WWOX: variants seen among roughly 807,000 people sequenced by gnomAD.
WWOX encodes the protein WW domain containing oxidoreductase.
WWOX carries 69 observed loss-of-function variants against 46.2 expected under a neutral mutation model. The observed-to-expected ratio is 1.49, with a 90% CI of 1.23 to 1.82. WWOX has a LOEUF of 1.82. WWOX is among the 40% of genes most tolerant of loss of function. The pLI, the probability that WWOX is intolerant of heterozygous loss-of-function variation, is 0.00. For missense variants in WWOX, 919 were observed against 542.6 expected (o/e 1.69, Z -6.89); for synonymous variants, 359 against 202.6 (o/e 1.77, Z -6.56).
intron 8 of WWOX, among the ~76,000 whole-genome samples, chr16:78,776,619 C>A (rs962459639): frequency 2.0e-5 from 3 of 152,036 alleles, no homozygotes; most frequent in African/African-American, 7.2e-5. Context: ...CTTTATTAGT[C>A]TGGTCTCACA....
intron 8 of WWOX, among the ~76,000 whole-genome samples, chr16:79,209,796 C>A (rs145561597): frequency 2.1e-3 from 314 of 152,216 alleles, no homozygotes; most frequent in African/African-American, 7.4e-3. Flanking sequence ...TGCAGAAGAG[C>A]CAGATAAACC....
At chr16:78,602,163 A>G (rs1283816739) in intron 8 of WWOX, among the ~76,000 whole-genome samples, 1 of 152,156 alleles carries the variant, frequency 6.6e-6, no homozygotes, top group African/African-American at 2.4e-5. Flanking sequence ...AGCATAGAGG[A>G]CTGTGAGAGT....
At chr16:79,060,672 G>T (rs1046623789) in intron 8 of WWOX, among the ~76,000 whole-genome samples, 3 of 152,216 alleles carry the variant, frequency 2.0e-5, no homozygotes, top group Non-Finnish European at 4.4e-5. Flanking sequence ...ACCCAATTAC[G>T]AGCGGAGCTA....
chr16:78,858,078 T>C (rs984607707), intron 8 of WWOX, among the ~76,000 whole-genome samples: 2 of 151,862 alleles, frequency 1.3e-5, no homozygotes, highest in African/African-American at 2.4e-5. Context: ...TTTTAAATAC[T>C]CTATAGCAAA....
At chr16:78,476,618 TTA>T (rs1352145101) in intron 8 of WWOX, among the ~76,000 whole-genome samples, 1 of 1,282 alleles carries the variant, frequency 7.8e-4, no homozygotes, top group East Asian at 2.0e-3. Context: ...AAAATACATA[TTA>T]AAAAAAAAAA....
chr16:78,442,359 C>G (rs1211279390), intron 8 of WWOX, among the ~76,000 whole-genome samples: 1 of 152,038 alleles, frequency 6.6e-6, no homozygotes, highest in Admixed American at 6.5e-5. Flanking sequence ...ATTCACCATG[C>G]TGTACAATAG....
chr16:78,538,248 C>G (rs1574279), intron 8 of WWOX, among the ~76,000 whole-genome samples: 140 of 126,104 alleles, frequency 1.1e-3, no homozygotes, highest in East Asian at 1.8e-3. Flanking sequence ...AAAAAAAAAG[C>G]GGGGCAAGGG....
intron 8 of WWOX, among the ~76,000 whole-genome samples, chr16:78,979,672 C>T (rs147882394): frequency 6.6e-6 from 1 of 152,128 alleles, no homozygotes; most frequent in Non-Finnish European, 1.5e-5. Flanking sequence ...GATCAGTACC[C>T]ATCTCTCAGA....
chr16:78,638,841 A>G (rs1188895661), intron 8 of WWOX, among the ~76,000 whole-genome samples: 2 of 152,312 alleles, frequency 1.3e-5, no homozygotes, highest in East Asian at 3.9e-4. Context: ...GCTCCTGTGA[A>G]GATTCAGGAA....
chr16:78,223,345 C>A (rs1022493747), intron 5 of WWOX, among the ~76,000 whole-genome samples: 3 of 152,084 alleles, frequency 2.0e-5, no homozygotes, highest in Non-Finnish European at 4.4e-5. Context: ...TGTCTGGCCC[C>A]AAAAGTCAAT....
intron 8 of WWOX, chr16:79,105,924 T>G (rs1315068442): frequency 6.6e-6 from 1 of 152,196 alleles, no homozygotes; most frequent in Non-Finnish European, 1.5e-5. Flanking sequence ...CTGCCCTTCT[T>G]GGCCTCCCGA....
At chr16:79,035,808 C>T (rs762783365) in intron 8 of WWOX, among the ~76,000 whole-genome samples, 9 of 152,184 alleles carry the variant, frequency 5.9e-5, no homozygotes, top group East Asian at 1.9e-4. Flanking sequence ...CCCCATTAGA[C>T]GGTGGCCAAG....
At chr16:79,137,537 C>G (rs141524657) in intron 8 of WWOX, among the ~76,000 whole-genome samples, 124 of 152,208 alleles carry the variant, frequency 8.1e-4, no homozygotes, top group African/African-American at 2.6e-3. Context: ...GGCATTGTCC[C>G]GAGGCAACGT....
At chr16:78,351,106 C>G (rs1254164273) in intron 5 of WWOX, among the ~76,000 whole-genome samples, 1 of 152,162 alleles carries the variant, frequency 6.6e-6, no homozygotes, top group Admixed American at 6.5e-5. Context: ...CAGCGGTTAT[C>G]AGGTCACACC....
intron 8 of WWOX, among the ~76,000 whole-genome samples, chr16:78,580,074 A>C (rs561733720): frequency 1.9e-3 from 278 of 145,708 alleles, no homozygotes; most frequent in African/African-American, 7.0e-3. Context: ...TGACAGAGGA[A>C]ATTTTTTTTT....
At chr16:78,471,237 C>T (rs188892439) in intron 8 of WWOX, among the ~76,000 whole-genome samples, 33 of 152,240 alleles carry the variant, frequency 2.2e-4, no homozygotes, top group Non-Finnish European at 1.9e-4. Context: ...ATCTGCTTTT[C>T]CCTGTCCTGC....
intron 8 of WWOX, among the ~76,000 whole-genome samples, chr16:78,648,178 G>A (rs1295956777): frequency 1.3e-5 from 2 of 152,098 alleles, no homozygotes; most frequent in South Asian, 2.1e-4. Context: ...AATGAAAAAC[G>A]GCTATTTCTT....
intron 8 of WWOX, among the ~76,000 whole-genome samples, chr16:78,642,286 G>T (rs951954482): frequency 1.2e-4 from 19 of 152,206 alleles, no homozygotes; most frequent in African/African-American, 3.9e-4. Context: ...TAGGGAGGAG[G>T]TGGAGGATAA....
chr16:78,629,005 C>A (rs1452402630), intron 8 of WWOX, among the ~76,000 whole-genome samples: 1 of 152,172 alleles, frequency 6.6e-6, no homozygotes. Flanking sequence ...TAAGTATTCC[C>A]TTGAACCCGT....
Sources: gnomAD v4.1 joint callset for allele counts (sites outside exome capture counted in the v4.1 genomes callset) on GRCh38, gnomAD v4.1.1 for gene constraint, MANE v1.5 for transcripts, NCBI Gene and HGNC (gene_info 2026-07-23, HGNC 2026-07-21) for gene names.